The following GIPR variants were observed in gnomAD, a reference collection of about 807,000 sequenced individuals.
GIPR encodes the protein gastric inhibitory polypeptide receptor.
A neutral mutation model predicts 62.2 loss-of-function variants in GIPR; 74 were observed. The ratio of observed to expected loss-of-function variants is 1.19; its 90% CI spans 0.99 to 1.44. The LOEUF (loss-of-function observed/expected upper bound fraction) is 1.44. Ranked by LOEUF, GIPR falls within the 40% of genes most tolerant of loss-of-function variation. The pLI, the probability that GIPR is intolerant of heterozygous loss-of-function variation, is 0.00. For missense variants in GIPR, 664 were observed against 611.8 expected, an observed-to-expected ratio of 1.09 and a Z score of -0.90; for synonymous variants, 256 against 262.2, an observed-to-expected ratio of 0.98 and a Z score of 0.23.
intron 12 of GIPR, 75 bp from the exon 13 acceptor site, chr19:45,681,529 A>G: frequency 8.1e-7 from 1 of 1,233,538 alleles, no homozygotes; most frequent in East Asian, 2.3e-5. Flanking sequence ...CAAACAAAAA[A>G]CGGGGAGGGA....
intron 4 of GIPR, among the ~76,000 whole-genome samples, chr19:45,672,419 G>A (rs1401101048): frequency 6.6e-6 from 1 of 151,838 alleles, no homozygotes; most frequent in Non-Finnish European, 1.5e-5. Context: ...CGATTCTCCT[G>A]CCTCAGCCTC....
chr19:45,675,924 G>A (rs1975828074), intron 7 of GIPR, among the ~76,000 whole-genome samples: 1 of 151,664 alleles, frequency 6.6e-6, no homozygotes, highest in East Asian at 1.9e-4. Context: ...AAATAAGAGG[G>A]GCCAGGCACA....
chr19:45,671,329 T>C lies in GIPR; in HGVS notation c.217T>C (p.Tyr73His). The change falls in exon 4 of 14, where the codon TAT (tyrosine) becomes CAT (histidine). Residue 73 changes from tyrosine to histidine, a missense_variant. By Grantham distance (83) the Tyr-to-His change is moderately conservative. Transcript: ENST00000590918. ...CTTCGATATGTACGTCTGCTGGGAC[T>C]ATGCTGCACCCAATGCCACTGCCCG... is the stretch of plus-strand genomic sequence containing the variant. ...GSFDMYVCWD[Y>H]AAPNATARAS... 6.2e-7 allele frequency: 1 copy of C among 1,613,112 alleles called. No homozygotes were observed. The highest frequency in any genetic ancestry group is 1.6e-4 in the Middle Eastern group (1 of 6,062).
chr19:45,676,351 G>T (rs569736836), intron 7 of GIPR, among the ~76,000 whole-genome samples: 1 of 151,972 alleles, frequency 6.6e-6, no homozygotes, highest in Admixed American at 6.6e-5. Context: ...CGGCAATGAT[G>T]GAAGATACCA....
chr19:45,671,241 C>A (rs758314185), intron 3 of GIPR, 44 bp from the exon 4 acceptor site: 1 of 1,152,500 alleles, frequency 8.7e-7, no homozygotes, highest in South Asian at 1.2e-5. Context: ...TGGCCCACTG[C>A]GCAGTAGGTC....
rs1257877302 is a variant in GIPR at position 45,672,963 on chromosome 19, A to G, written c.384+9A>G. On this transcript the variant is annotated intron_variant, in intron 5 of 13. Transcript: ENST00000590918. ...AGAATGAGGCCTTTCTGGTAAGAAG[A>G]GGTGAGGGCTTCAGGTTAGGAGTCC... 2 of 1,489,384 alleles carry G rather than the reference A, an allele frequency of 1.3e-6. No homozygotes were observed. The highest frequency in any genetic ancestry group is 3.3e-5 in the Admixed American group (2 of 59,868). The allele number at this position is 1,489,384 out of a possible 1,614,324, so 92.3% of individuals were successfully genotyped here. A position where few individuals can be genotyped will look rare whatever the true frequency, so the allele number is the denominator to read the frequency against.
chr19:45,677,623 G>A (rs2146095287), intron 9 of GIPR, 87 bp from the exon 10 acceptor site: 2 of 1,054,608 alleles, frequency 1.9e-6, no homozygotes, highest in East Asian at 4.7e-5. Flanking sequence ...TCTCAAGTGC[G>A]GTGGGCGGGG....
At chr19:45,670,867 GA>G in intron 3 of GIPR, 133 bp downstream of exon 3, 1 of 628,554 alleles carries the variant, frequency 1.6e-6, no homozygotes, top group South Asian at 1.9e-5. Context: ...GGACTGACCT[GA>G]GCATGGTGGG....
intron 5 of GIPR, among the ~76,000 whole-genome samples, 193 bp downstream of exon 5, chr19:45,673,147 G>C (rs58304657): frequency 0.18 from 27,392 of 152,064 alleles, 3,368 homozygotes; most frequent in East Asian, 0.43. Context: ...TGGCCGGGTG[G>C]TGTGGCTCAC....
intron 12 of GIPR, among the ~76,000 whole-genome samples, chr19:45,679,566 G>A (rs1967124646): frequency 6.6e-6 from 1 of 151,698 alleles, no homozygotes. Context: ...GAAAAGAGAT[G>A]AGGAGTGTCC....
intron 9 of GIPR, 24 bp from the exon 10 acceptor site, chr19:45,677,686 T>G (rs1568525372): frequency 6.3e-7 from 1 of 1,595,918 alleles, no homozygotes; most frequent in East Asian, 2.2e-5. Flanking sequence ...TTTCTATCTC[T>G]TAGCTCTACT....
At chr19:45,671,789 T>A (rs1555774580) in intron 4 of GIPR, among the ~76,000 whole-genome samples, 2 of 148,590 alleles carry the variant, frequency 1.3e-5, no homozygotes, top group Non-Finnish European at 3.0e-5. Flanking sequence ...TTTTTTTTTA[T>A]ATATATATTT....
Position 45,674,772 on chromosome 19 carries a change from G to T in GIPR, c.579G>T (p.Leu193=). 6.2e-7 allele frequency: 1 copy of T among 1,614,006 alleles called. No homozygotes were observed. The highest frequency in any genetic ancestry group is 8.5e-7 in the Non-Finnish European group (1 of 1,179,980). The change falls in exon 7 of 14, where the codon CTG becomes CTT. Residue 193 remains leucine (L), a synonymous_variant. Transcript: ENST00000590918. ...CGGCCATTCTCAGCCGAGACCGTCT[G>T]CTACCTCGACCTGGCCCCTACCTTG... The part of the protein sequence containing the change: ...RAAAILSRDR[L]LPRPGPYLGD...
rs756099114 is a variant in GIPR at position 45,678,181 on chromosome 19, G to A, written c.1107G>A (p.Leu369=). 1.3e-6 allele frequency: 2 copies of A among 1,595,634 alleles called. No individual in the cohort carries two copies. Among genetic ancestry groups the A allele is most frequent in the African/African-American group, 2.7e-5 (2 of 74,500 alleles). The stretch of plus-strand genomic sequence containing the variant: ...CAGAGGAACAGGCCCGGGGCGCCCT[G>A]CGCTTCGCCAAGCTCGGCTTTGAGA... ...PVTEEQARGA[L]RFAKLGFEIF... Residue 369 remains leucine, a synonymous_variant, in exon 12 of 14, where the codon CTG becomes CTA. Coordinates refer to ENST00000590918, the MANE Select transcript of GIPR (RefSeq NM_000164.4).
At chr19:45,669,631 G>A in intron 2 of GIPR, 39 bp downstream of exon 2, 1 of 1,547,602 alleles carries the variant, frequency 6.5e-7, no homozygotes, top group South Asian at 1.2e-5. Flanking sequence ...CAGGCTTGGA[G>A]GGAGGTATGG....
intron 9 of GIPR, 26 bp downstream of exon 9, chr19:45,677,409 C>A: frequency 1.5e-6 from 1 of 645,636 alleles, no homozygotes; most frequent in Non-Finnish European, 2.8e-6. Flanking sequence ...TGGGGCGGGG[C>A]GTGGGAGGTG....
chr19:45,670,594 G>A lies in GIPR; in HGVS notation c.73-41G>A, dbSNP rs777091593. 6.4e-6 allele frequency: 9 copies of A among 1,401,934 alleles called. No individual in the cohort carries two copies. In the East Asian group the frequency reaches 2.1e-4, roughly 32 times the overall value. The allele number at this position is 1,401,934 out of a possible 1,614,324, so 86.8% of individuals were successfully genotyped here. On this transcript the variant is annotated intron_variant, in intron 2 of 13. Coordinates refer to ENST00000590918, the MANE Select transcript of GIPR (RefSeq NM_000164.4). ...ACATGGACCTAGCAGCCTGGGAGCG[G>A]GGGTCGGTCTGGGGGGGTCCTCCCT...
rs1490061680 is a variant in GIPR at position 45,678,129 on chromosome 19, T to C, written c.1055T>C (p.Val352Ala). ...STLTLVPLLG[V>A]HEVVFAPVTE... ...CTGACGCTGGTGCCCCTGCTGGGTG[T>C]CCACGAGGTGGTGTTTGCTCCCGTG... The change falls in exon 12 of 14, where the codon GTC (valine) becomes GCC (alanine). Residue 352 changes from valine to alanine, a missense_variant. Transcript: ENST00000590918. 6.2e-7 allele frequency: 1 copy of C among 1,612,472 alleles called. No homozygotes were observed. The highest frequency in any genetic ancestry group is 2.2e-5 in the East Asian group (1 of 44,834).
At chr19:45,672,990 G>T in intron 5 of GIPR, 36 bp downstream of exon 5, 1 of 1,211,382 alleles carries the variant, frequency 8.3e-7, no homozygotes, top group South Asian at 1.2e-5. Context: ...TAGGAGTCCA[G>T]GGAGAGATGG....
Sources: allele counts gnomAD v4.1 joint callset (sites outside exome capture counted in the v4.1 genomes callset), GRCh38; gene constraint gnomAD v4.1.1; transcripts MANE v1.5; gene names NCBI Gene and HGNC (gene_info 2026-07-23, HGNC 2026-07-21).